The following NCAM2 variants were observed in gnomAD, a reference collection of about 807,000 sequenced individuals.
NCAM2 encodes the protein neural cell adhesion molecule 2.
NCAM2 carries 30 observed loss-of-function variants against 98.1 expected under a neutral mutation model. The ratio of observed to expected loss-of-function variants is 0.31; its 90% CI spans 0.23 to 0.41. The LOEUF (loss-of-function observed/expected upper bound fraction) is 0.41. Ranked by LOEUF, NCAM2 falls within the 10% of genes least tolerant of loss-of-function variation. The probability of loss-of-function intolerance (pLI) is 1.00; values close to 1 mark genes in which losing one functional copy is unlikely to be tolerated. For synonymous variants in NCAM2, 368 were observed against 342.4 expected (o/e 1.07, Z -0.83); for missense variants, 867 against 1,005.8 (o/e 0.86, Z 1.87).
chr21:20,999,200 T>C (rs1391570043), intron 1 of NCAM2, among the ~76,000 whole-genome samples: 1 of 152,062 alleles, frequency 6.6e-6, no homozygotes, highest in Non-Finnish European at 1.5e-5. Flanking sequence ...AGAAAGCAAA[T>C]GGATAAAACT....
intron 9 of NCAM2, among the ~76,000 whole-genome samples, chr21:21,404,785 C>A (rs1378465155): frequency 6.6e-6 from 1 of 151,340 alleles, no homozygotes; most frequent in Non-Finnish European, 1.5e-5. Flanking sequence ...CATACCCACT[C>A]GTATGTACAT....
chr21:21,069,378 G>A (rs192106128), intron 1 of NCAM2, among the ~76,000 whole-genome samples: 32 of 152,196 alleles, frequency 2.1e-4, no homozygotes, highest in Non-Finnish European at 4.0e-4. Flanking sequence ...TTAAAAATGC[G>A]TTAGCTATCA....
intron 5 of NCAM2, among the ~76,000 whole-genome samples, chr21:21,309,699 G>A (rs2073985098): frequency 6.6e-6 from 1 of 152,048 alleles, no homozygotes; most frequent in Non-Finnish European, 1.5e-5. Context: ...GTGAACTATA[G>A]CCAATATCCA....
chr21:21,402,067 C>T (rs1569023018), intron 9 of NCAM2, among the ~76,000 whole-genome samples: 2 of 152,128 alleles, frequency 1.3e-5, no homozygotes, highest in African/African-American at 4.8e-5. Context: ...GATTGTAAAA[C>T]ATATGTGTTT....
chr21:21,332,866 T>G (rs2074754193), intron 6 of NCAM2, among the ~76,000 whole-genome samples: 1 of 152,196 alleles, frequency 6.6e-6, no homozygotes, highest in African/African-American at 2.4e-5. Context: ...AAAACTATTG[T>G]TTTATATGTA....
intron 1 of NCAM2, among the ~76,000 whole-genome samples, chr21:21,095,321 T>G (rs1242084701): frequency 6.6e-6 from 1 of 151,596 alleles, no homozygotes; most frequent in African/African-American, 2.4e-5. Flanking sequence ...TACCAGAGAC[T>G]GTTGATAATA....
In NCAM2 at chr21:21,284,289, T is replaced by A; in HGVS notation, c.226T>A (p.Ser76Thr). The A allele has an allele frequency of 6.2e-7, 1 of 1,612,038 alleles. No homozygotes were observed. The highest frequency in any genetic ancestry group is 2.2e-5 in the East Asian group (1 of 44,766). ...AGTAGTGCAAAAGGAAGGTGTTAGG[T>A]CACGGTTAACCATCTACAATGCAAA... ...RVVVQKEGVRSRLTIYNANIE... is the reference protein window; with the variant it reads ...RVVVQKEGVRTRLTIYNANIE... Residue 76 changes from serine (S) to threonine (T), a missense_variant, in exon 3 of 18, where the codon TCA becomes ACA. This residue lies in a region of NCAM2 where 447 missense variants were observed against 495.7 expected (regional missense o/e 0.90). Transcript: ENST00000400546.
chr21:21,297,028 T>A (rs779146345), intron 5 of NCAM2, among the ~76,000 whole-genome samples: 5 of 151,498 alleles, frequency 3.3e-5, no homozygotes, highest in Non-Finnish European at 7.4e-5. Flanking sequence ...GGATGAAAGC[T>A]AAAAAAAAGT....
chr21:21,147,147 C>G (rs2067303410), intron 1 of NCAM2: 2 of 939,246 alleles, frequency 2.1e-6, no homozygotes, highest in Non-Finnish European at 1.2e-6. Context: ...TTCCTGAAAT[C>G]TCGCGCCCTG....
chr21:21,376,985 A>G (rs542660805), intron 9 of NCAM2, among the ~76,000 whole-genome samples: 7 of 151,796 alleles, frequency 4.6e-5, no homozygotes, highest in African/African-American at 9.6e-5. Flanking sequence ...TTACTATTAA[A>G]CTTTCATGTA....
At chr21:21,372,752 G>A (rs1035520521) in intron 8 of NCAM2, among the ~76,000 whole-genome samples, 4 of 151,664 alleles carry the variant, frequency 2.6e-5, no homozygotes, top group Non-Finnish European at 5.9e-5. Flanking sequence ...CACAGTGTCT[G>A]TTTTTCCAGA....
chr21:21,305,360 GA>G (rs887949105), intron 5 of NCAM2, among the ~76,000 whole-genome samples: 4 of 151,894 alleles, frequency 2.6e-5, no homozygotes, highest in Admixed American at 6.6e-5. Flanking sequence ...ATATCACTAT[GA>G]ATAAAGACAC....
chr21:21,336,765 C>A (rs1195307182), intron 7 of NCAM2, among the ~76,000 whole-genome samples: 2 of 151,952 alleles, frequency 1.3e-5, no homozygotes, highest in Non-Finnish European at 2.9e-5. Flanking sequence ...ACAGCTATAC[C>A]AAAATGTATT....
chr21:21,228,422 G>T (rs940766521), intron 1 of NCAM2, among the ~76,000 whole-genome samples: 1 of 151,234 alleles, frequency 6.6e-6, no homozygotes, highest in Admixed American at 6.6e-5. Flanking sequence ...TGCAGTGACT[G>T]TAATAACAGA....
chr21:21,318,818 T>C (rs917702531), intron 5 of NCAM2, among the ~76,000 whole-genome samples: 13 of 152,222 alleles, frequency 8.5e-5, no homozygotes, highest in Middle Eastern at 3.2e-3. Context: ...GGGTTTGGAA[T>C]ACTGATCAGT....
chr21:21,413,404 C>T (rs1005701789), intron 10 of NCAM2, among the ~76,000 whole-genome samples: 6 of 152,146 alleles, frequency 3.9e-5, no homozygotes, highest in African/African-American at 1.4e-4. Context: ...ATACACTTAG[C>T]TTATATTTAG....
intron 5 of NCAM2, among the ~76,000 whole-genome samples, chr21:21,292,807 C>T (rs1308944895): frequency 6.6e-6 from 1 of 151,668 alleles, no homozygotes; most frequent in African/African-American, 2.4e-5. Context: ...CTGTACTAGC[C>T]CATTTTCACA....
chr21:21,311,734 C>T (rs2074060621), intron 5 of NCAM2, among the ~76,000 whole-genome samples: 1 of 151,960 alleles, frequency 6.6e-6, no homozygotes, highest in East Asian at 1.9e-4. Context: ...ATAAATTTTG[C>T]TTGATTGGTA....
At chr21:21,307,777 A>G (rs1410509854) in intron 5 of NCAM2, among the ~76,000 whole-genome samples, 5 of 152,088 alleles carry the variant, frequency 3.3e-5, no homozygotes, top group Non-Finnish European at 7.4e-5. Flanking sequence ...CATACTTGGA[A>G]TATTTCTGAC....
Sources: allele counts gnomAD v4.1 joint callset (sites outside exome capture counted in the v4.1 genomes callset), GRCh38; gene constraint gnomAD v4.1.1; regional missense constraint gnomAD v4.1.1; transcripts MANE v1.5; gene names NCBI Gene and HGNC (gene_info 2026-07-23, HGNC 2026-07-21).